PYGL: variants seen among roughly 807,000 people sequenced by gnomAD.
The protein encoded by PYGL is glycogen phosphorylase L, also known as glycogen phosphorylase, liver form.
Under a neutral mutation model 100.1 loss-of-function variants are expected in PYGL, and 90 were observed. The ratio of observed to expected loss-of-function variants is 0.90; its 90% CI spans 0.76 to 1.07. The LOEUF is 1.07. PYGL is among the 50% of genes least tolerant of loss of function. PYGL has a pLI of 0.00. For synonymous variants in PYGL, 373 were observed against 393.0 expected (o/e 0.95, Z 0.60); for missense variants, 1,016 against 1,057.6 (o/e 0.96, Z 0.55).
At chr14:50,934,811 G>A (rs990959193) in intron 3 of PYGL, among the ~76,000 whole-genome samples, 3 of 152,102 alleles carry the variant, frequency 2.0e-5, no homozygotes, top group Non-Finnish European at 4.4e-5. Flanking sequence ...ATCAAAGGGG[G>A]TGCTAGCATA....
At position 50,915,401 on chromosome 14, in the gene PYGL, G is replaced by A; in HGVS notation, c.1338C>T (p.Cys446=). The change falls in exon 11 of 20, where the codon TGC becomes TGT. Residue 446 remains cysteine (C), a synonymous_variant. Transcript: ENST00000216392. ...GSKRINMAHL[C]IVGSHAVNGV... is the part of the protein sequence containing the mutation. ...CATTCACAGCATGGGAACCGACAAT[G>A]CAGAGATGGGCCATGTTGATCCTTT... The A allele has an allele frequency of 6.2e-7, 1 of 1,614,152 alleles. No individual in the cohort carries two copies. The highest frequency in any genetic ancestry group is 1.3e-5 in the African/African-American group (1 of 75,044).
chr14:50,925,733 A>T (rs1025489889), intron 4 of PYGL, among the ~76,000 whole-genome samples: 3 of 152,242 alleles, frequency 2.0e-5, no homozygotes, highest in African/African-American at 7.2e-5. Context: ...CACTAATATT[A>T]ACTACCAGTG....
At chr14:50,939,104 A>C (rs899489771) in intron 1 of PYGL, among the ~76,000 whole-genome samples, 11 of 152,298 alleles carry the variant, frequency 7.2e-5, no homozygotes, top group African/African-American at 2.4e-4. Context: ...GCAGTGGCGC[A>C]ATCTCAGCTC....
At chr14:50,921,122 G>T in intron 5 of PYGL, 55 bp from the exon 6 acceptor site, 2 of 1,378,100 alleles carry the variant, frequency 1.5e-6, no homozygotes, top group Admixed American at 3.4e-5. Flanking sequence ...GATGACATAG[G>T]TTGAACAAGG....
chr14:50,919,056 C>G (rs1176932788), intron 7 of PYGL, among the ~76,000 whole-genome samples: 9 of 151,998 alleles, frequency 5.9e-5, no homozygotes, highest in African/African-American at 1.9e-4. Context: ...AACAAACAAA[C>G]AAAAACATGA....
chr14:50,928,249 C>T (rs996645932), intron 4 of PYGL, among the ~76,000 whole-genome samples: 16 of 152,112 alleles, frequency 1.1e-4, no homozygotes, highest in African/African-American at 3.6e-4. Context: ...GATACAGAGT[C>T]GACAAAGAAC....
At position 50,915,330 on chromosome 14, in the gene PYGL, G is replaced by C; in HGVS notation, c.1403+6C>G. On this transcript the variant is annotated splice_donor_region_variant and intron_variant, in intron 11 of 19. Coordinates refer to ENST00000216392, the MANE Select transcript of PYGL (RefSeq NM_002863.5). ...CAGACCCACTGCCAGAGTAATGGAG[G>C]CTCACACTTTAGTCTTCACGATGTC... is the stretch of plus-strand genomic sequence containing the variant. 3 of 1,613,922 alleles carry C rather than the reference G, an allele frequency of 1.9e-6. No individual in the cohort carries two copies. Among genetic ancestry groups the C allele is most frequent in the Non-Finnish European group, 2.5e-6 (3 of 1,179,832 alleles).
chr14:50,922,078 C>T (rs149846078), intron 5 of PYGL, among the ~76,000 whole-genome samples: 11 of 152,252 alleles, frequency 7.2e-5, no homozygotes, highest in African/African-American at 2.2e-4. Flanking sequence ...CACAGTGCAT[C>T]GAAAATTCAA....
At chr14:50,939,267 C>T (rs952517219) in intron 1 of PYGL, among the ~76,000 whole-genome samples, 6 of 152,212 alleles carry the variant, frequency 3.9e-5, no homozygotes. Flanking sequence ...GAACTCCTAA[C>T]CTCAGGTGAT....
intron 5 of PYGL, among the ~76,000 whole-genome samples, chr14:50,921,844 T>A (rs17123178): frequency 0.18 from 27,175 of 152,168 alleles, 3,732 homozygotes; most frequent in African/African-American, 0.39. Context: ...ATGATGAAAG[T>A]AAATGGAATA....
At chr14:50,924,861 A>T (rs546171456) in intron 4 of PYGL, among the ~76,000 whole-genome samples, 53 of 152,354 alleles carry the variant, frequency 3.5e-4, no homozygotes, top group African/African-American at 1.2e-3. Flanking sequence ...GATATCCTGG[A>T]CATCAAATAC....
At position 50,937,821 on chromosome 14, in the gene PYGL, G is replaced by A. The variant is rs1383614808; in HGVS notation, c.260C>T (p.Ser87Phe). The A allele has an allele frequency of 2.5e-6, 4 of 1,612,950 alleles. No individual in the cohort carries two copies. The highest frequency in any genetic ancestry group is 1.1e-5 in the South Asian group (1 of 91,066). The stretch of plus-strand genomic sequence containing the variant: ...TGTTCGGCCCATGTAAAATTCCAGA[G>A]AGAGGTAATATACCCTCTGAAATAA... ...DKCPKRVYYL[S>F]LEFYMGRTLQ... Residue 87 changes from serine (S) to phenylalanine (F), a missense_variant, in exon 2 of 20, where the codon TCT becomes TTT. Ser to Phe is a radical substitution (Grantham distance 155). Coordinates refer to ENST00000216392, the MANE Select transcript of PYGL (RefSeq NM_002863.5).
chr14:50,939,761 A>G (rs944235524), intron 1 of PYGL, among the ~76,000 whole-genome samples: 21 of 152,352 alleles, frequency 1.4e-4, no homozygotes, highest in Middle Eastern at 3.4e-3. Flanking sequence ...AAGAAGTAAA[A>G]AAAGAAAAAA....
intron 2 of PYGL, among the ~76,000 whole-genome samples, chr14:50,937,352 T>A (rs1462072471): frequency 6.6e-6 from 1 of 152,236 alleles, no homozygotes; most frequent in Non-Finnish European, 1.5e-5. Context: ...GATACATGAA[T>A]AACAAAGTTT....
chr14:50,914,960 T>A, intron 11 of PYGL, 145 bp from the exon 12 acceptor site: 1 of 698,600 alleles, frequency 1.4e-6, no homozygotes, highest in East Asian at 2.7e-5. Flanking sequence ...TGACAGTAGC[T>A]ATGGCTGTCA....
At position 50,916,697 on chromosome 14, in the gene PYGL, G is replaced by A. The variant is rs771871921; in HGVS notation, c.1037C>T (p.Ala346Val). 9.3e-6 allele frequency: 15 copies of A among 1,614,070 alleles called. No homozygotes were observed. The highest frequency in any genetic ancestry group is 5.0e-5 in the Admixed American group (3 of 60,012). ...AAAAATCCTCATCAGCTCAGGGATC[G>A]CGAGTGCAGGGTGAGTGTCATTCAG... Reference protein sequence around the residue: ...IQLNDTHPALAIPELMRIFVD... With the variant: ...IQLNDTHPALVIPELMRIFVD... The change falls in exon 9 of 20, where the codon GCG becomes GTG. Residue 346 changes from alanine (A) to valine (V), a missense_variant. Transcript: ENST00000216392.
intron 16 of PYGL, among the ~76,000 whole-genome samples, chr14:50,911,140 G>A (rs958303491): frequency 1.3e-5 from 2 of 152,208 alleles, no homozygotes; most frequent in African/African-American, 4.8e-5. Context: ...GGTGCTCTGT[G>A]AGCTTGTGAC....
chr14:50,928,411 G>A (rs537840016), intron 4 of PYGL, among the ~76,000 whole-genome samples: 1 of 152,142 alleles, frequency 6.6e-6, no homozygotes, highest in African/African-American at 2.4e-5. Flanking sequence ...TACGAACTTG[G>A]TGTGGGTGCT....
chr14:50,943,554 G>C (rs2050719124), intron 1 of PYGL, among the ~76,000 whole-genome samples: 1 of 152,226 alleles, frequency 6.6e-6, no homozygotes, highest in South Asian at 2.1e-4. Context: ...AAAGACTCAC[G>C]GAATTCCAGG....
Sources: allele counts gnomAD v4.1 joint callset (sites outside exome capture counted in the v4.1 genomes callset), GRCh38; gene constraint gnomAD v4.1.1; transcripts MANE v1.5; gene names NCBI Gene and HGNC (gene_info 2026-07-23, HGNC 2026-07-21).